PCMTD2: variants seen among roughly 807,000 people sequenced by gnomAD.
PCMTD2 encodes the protein protein-L-isoaspartate O-methyltransferase domain-containing protein 2.
In PCMTD2, 16 loss-of-function variants were observed where a neutral mutation model predicts 33.4. That is an observed-to-expected ratio of 0.48 (90% confidence interval 0.32 to 0.73). The LOEUF is 0.73. Ranked by LOEUF, PCMTD2 falls within the 30% of genes least tolerant of loss-of-function variation. The probability of loss-of-function intolerance (pLI) is 0.03; values close to 1 mark genes in which losing one functional copy is unlikely to be tolerated. For synonymous variants in PCMTD2, 161 were observed against 160.8 expected, an observed-to-expected ratio of 1.00 and a Z score of -0.01; for missense variants, 374 against 449.9, an observed-to-expected ratio of 0.83 and a Z score of 1.53.
chr20:64,271,852 C>T (rs1409806432), intron 5 of PCMTD2: 2 of 193,272 alleles, frequency 1.0e-5, no homozygotes, highest in East Asian at 2.5e-4. Context: ...GGCCGGGACC[C>T]CGAGGGCCTC....
chr20:64,264,838 G>A (rs2145759785), intron 3 of PCMTD2, among the ~76,000 whole-genome samples: 1 of 152,242 alleles, frequency 6.6e-6, no homozygotes, highest in African/African-American at 2.4e-5. Context: ...TATGTAACTA[G>A]CTTTTGCCAT....
In PCMTD2 at chr20:64,273,680, T is replaced by G; in HGVS notation, c.*80T>G. 7.9e-7 allele frequency: 1 copy of G among 1,270,938 alleles called. No homozygotes were observed. The highest frequency in any genetic ancestry group is 1.1e-6 in the Non-Finnish European group (1 of 926,786). 78.7% of individuals were successfully genotyped at this position (1,270,938 alleles called of 1,614,324 possible). A position where few individuals can be genotyped will look rare whatever the true frequency, so the allele number is the denominator to read the frequency against. ...GTGCTGCCTGTGTGCTGTTGAAGGGTCACCTGGAGGCAGACGTTGTGGGGA... is the reference window on the plus strand; with the variant it reads ...GTGCTGCCTGTGTGCTGTTGAAGGGGCACCTGGAGGCAGACGTTGTGGGGA... On this transcript the variant is annotated 3_prime_UTR_variant, in exon 6 of 6. Transcript: ENST00000308824.
chr20:64,257,272 T>A (rs1292219417), intron 1 of PCMTD2, among the ~76,000 whole-genome samples: 4 of 152,192 alleles, frequency 2.6e-5, no homozygotes, highest in Non-Finnish European at 5.9e-5. Context: ...AACTCAGGTG[T>A]CAGTTCTGAG....
chr20:64,261,344 G>A (rs1985407288), intron 2 of PCMTD2, among the ~76,000 whole-genome samples: 1 of 152,168 alleles, frequency 6.6e-6, no homozygotes, highest in Non-Finnish European at 1.5e-5. Flanking sequence ...AGAAGCTGGA[G>A]TCTGTATTTT....
chr20:64,261,874 C>T (rs571041672), intron 2 of PCMTD2, among the ~76,000 whole-genome samples: 1 of 152,210 alleles, frequency 6.6e-6, no homozygotes, highest in African/African-American at 2.4e-5. Flanking sequence ...AAGGTAGAAC[C>T]TTGGGGAGAA....
intron 5 of PCMTD2, among the ~76,000 whole-genome samples, chr20:64,270,373 G>T: frequency 6.9e-6 from 1 of 145,908 alleles, no homozygotes; most frequent in South Asian, 2.2e-4. Flanking sequence ...CAGGCATGCA[G>T]GGTGTGGGGT....
chr20:64,256,831 G>A, intron 1 of PCMTD2: 1 of 152,182 alleles, frequency 6.6e-6, no homozygotes, highest in Non-Finnish European at 1.5e-5. Flanking sequence ...TGTGTATTTA[G>A]TAGGCATTGT....
chr20:64,257,288 C>T (rs1292079994), intron 1 of PCMTD2, among the ~76,000 whole-genome samples: 1 of 152,226 alleles, frequency 6.6e-6, no homozygotes, highest in Non-Finnish European at 1.5e-5. Context: ...CTGAGACCTT[C>T]CCATGCCTGT....
rs573654698 is a variant in PCMTD2, at chr20:64,274,281, G to A, written c.*681G>A. On this transcript the variant is annotated 3_prime_UTR_variant, in exon 6 of 6. Coordinates refer to ENST00000308824, the MANE Select transcript of PCMTD2 (RefSeq NM_018257.3). ...TGCCAGATAATCTTTCTGGAATTCC[G>A]AGAGAATTCCAAAGAGGGTTTTTTT... 9 of 150,262 alleles carry A rather than the reference G, an allele frequency of 6.0e-5. No individual in the cohort carries two copies. Among genetic ancestry groups the A allele is most frequent in the Admixed American group, 4.6e-4 (7 of 15,084 alleles). 9.3% of individuals were successfully genotyped at this position (150,262 alleles called of 1,614,324 possible).
intron 2 of PCMTD2, among the ~76,000 whole-genome samples, chr20:64,261,165 A>G (rs970533867): frequency 1.3e-5 from 2 of 152,208 alleles, no homozygotes; most frequent in Non-Finnish European, 1.5e-5. Flanking sequence ...AAGGAAAAAC[A>G]TCACTTGGTG....
rs776780531 is a variant in PCMTD2, at chr20:64,265,435, A to AT, written c.582+8dup. ...TCATGCCACTGGAAGAGAAGGTCAG[A>AT]TTCCCTTCATAACTGACATTTCTGC... On this transcript the variant is annotated splice_region_variant and intron_variant, in intron 4 of 5. Transcript: ENST00000308824. 4 of 1,603,706 alleles carry AT rather than the reference A, an allele frequency of 2.5e-6. No individual in the cohort carries two copies. The highest frequency in any genetic ancestry group is 3.4e-6 in the Non-Finnish European group (4 of 1,173,128).
rs1281403174 is a variant in PCMTD2, at chr20:64,268,011, G to A, written c.706+1G>A. ...GGAAAATCAAGACTTGTCCAGTTACGTAAGTATACCAATCTTTACTTATTT... is the reference window on the plus strand; with the variant it reads ...GGAAAATCAAGACTTGTCCAGTTACATAAGTATACCAATCTTTACTTATTT... On this transcript the variant is annotated splice_donor_variant, in intron 5 of 5. Coordinates refer to ENST00000308824, the MANE Select transcript of PCMTD2 (RefSeq NM_018257.3). LOFTEE classifies it high-confidence loss of function. 11 of 1,607,624 alleles carry A rather than the reference G, an allele frequency of 6.8e-6. No homozygotes were observed. Among genetic ancestry groups the A allele is most frequent in the Non-Finnish European group, 8.5e-6 (10 of 1,175,426 alleles).
At chr20:64,268,115 AC>A in intron 5 of PCMTD2, 105 bp downstream of exon 5, 1 of 637,748 alleles carries the variant, frequency 1.6e-6, no homozygotes, top group Non-Finnish European at 2.5e-6. Flanking sequence ...ATTAAAAAGC[AC>A]CACTCCCATG....
intron 4 of PCMTD2, among the ~76,000 whole-genome samples, chr20:64,267,451 C>G (rs1781283069): frequency 6.6e-6 from 1 of 152,158 alleles, no homozygotes. Flanking sequence ...GACTTAGCCA[C>G]CCTCCCAATA....
At position 64,273,945 on chromosome 20, in the gene PCMTD2, A is replaced by G. The variant is rs1398854786; in HGVS notation, c.*345A>G. 1 of 198,680 alleles carries G rather than the reference A, an allele frequency of 5.0e-6. No homozygotes were observed. The highest frequency in any genetic ancestry group is 1.0e-5 in the Non-Finnish European group (1 of 98,842). 12.3% of individuals were successfully genotyped at this position (198,680 alleles called of 1,614,324 possible). ...ACTGTTTGATGACCGTCCCTCATGC[A>G]ACATGCACGGTACTCACTAAAAATG... On this transcript the variant is annotated 3_prime_UTR_variant, in exon 6 of 6. Transcript: ENST00000308824.
At position 64,265,390 on chromosome 20, in the gene PCMTD2, CAA is replaced by C; in HGVS notation, c.545_546del (p.Lys182SerfsTer15). On this transcript the variant is annotated frameshift_variant, in exon 4 of 6. Transcript: ENST00000308824. LOFTEE classifies it high-confidence loss of function. ...EHEEYMKNLL[K>X]VGGILVMPLE... ...ATGAAGAGTACATGAAGAATCTTCT[CAA>C]AGTGGGAGGGATCCTTGTCATGCCA... 1.2e-6 allele frequency: 2 copies of C among 1,613,206 alleles called. No homozygotes were observed. The highest frequency in any genetic ancestry group is 1.7e-6 in the Non-Finnish European group (2 of 1,179,586).
chr20:64,256,434 A>C (rs1308674647), intron 1 of PCMTD2, among the ~76,000 whole-genome samples: 2 of 152,176 alleles, frequency 1.3e-5, no homozygotes, highest in East Asian at 1.9e-4. Flanking sequence ...CGTGTCTCCT[A>C]AATGAATGTT....
Position 64,260,049 on chromosome 20 carries a change from G to T in PCMTD2, c.84G>T (p.Leu28=), listed in dbSNP as rs767736178. ...LKEAQYIRTE[L]VEQAFRAIDR... ...AAGCACAGTATATCCGGACTGAGCTGGTAGAGCAGGCTTTCAGAGCTATCG... is the reference window on the plus strand; with the variant it reads ...AAGCACAGTATATCCGGACTGAGCTTGTAGAGCAGGCTTTCAGAGCTATCG... The change falls in exon 2 of 6, where the codon CTG becomes CTT. Residue 28 remains leucine, a synonymous_variant. Coordinates refer to ENST00000308824, the MANE Select transcript of PCMTD2 (RefSeq NM_018257.3). 4 of 1,609,822 alleles carry T rather than the reference G, an allele frequency of 2.5e-6. No individual in the cohort carries two copies. The South Asian group carries it at 4.4e-5, about 18-fold the overall frequency.
At chr20:64,272,974 C>T (rs1173540458) in intron 5 of PCMTD2, among the ~76,000 whole-genome samples, 1 of 152,212 alleles carries the variant, frequency 6.6e-6, no homozygotes, top group Non-Finnish European at 1.5e-5. Context: ...TTAATATAGC[C>T]AAGCAATATT....
Sources: gnomAD v4.1 joint callset for allele counts (sites outside exome capture counted in the v4.1 genomes callset) on GRCh38, gnomAD v4.1.1 for gene constraint, MANE v1.5 for transcripts, NCBI Gene and HGNC (gene_info 2026-07-23, HGNC 2026-07-21) for gene names.